RGS11: variants seen among roughly 807,000 people sequenced by gnomAD.
RGS11 encodes regulator of G protein signaling 11, also known as regulator of G-protein signaling 11.
Under a neutral mutation model 71.1 loss-of-function variants are expected in RGS11, and 86 were observed. The observed-to-expected ratio is 1.21, with a 90% CI of 1.02 to 1.45. RGS11 has a LOEUF of 1.45. RGS11 is among the 40% of genes most tolerant of loss of function. The pLI, the probability that RGS11 is intolerant of heterozygous loss-of-function variation, is 0.00. For synonymous variants in RGS11, 298 were observed against 254.2 expected, an observed-to-expected ratio of 1.17 and a Z score of -1.64; for missense variants, 734 against 635.1, an observed-to-expected ratio of 1.16 and a Z score of -1.67.
Position 270,990 on chromosome 16 carries a change from A to T in RGS11, c.973T>A (p.Phe325Ile), listed in dbSNP as rs1210959820. The change falls in exon 13 of 17, where the codon TTC becomes ATC. Residue 325 changes from phenylalanine (F) to isoleucine (I), a missense_variant. Phe to Ile is a conservative substitution (Grantham distance 21). Coordinates refer to ENST00000397770, the MANE Select transcript of RGS11 (RefSeq NM_183337.3). ...AHFMDFLGKEFSGENLSFWEA... is the reference protein window; with the variant it reads ...AHFMDFLGKEISGENLSFWEA... ...GGGGCTGGGGGGTTCTCACCACTGA[A>T]CTCCTTTCCCAGAAAGTCCATGAAG... is the stretch of plus-strand genomic sequence containing the variant. The T allele has an allele frequency of 6.2e-7, 1 of 1,610,636 alleles. No homozygotes were observed. Among genetic ancestry groups the T allele is most frequent in the Non-Finnish European group, 8.5e-7 (1 of 1,178,572 alleles).
At position 273,843 on chromosome 16, in the gene RGS11, G is replaced by A. The variant is rs1266089955; in HGVS notation, c.430-7C>T. On this transcript the variant is annotated splice_region_variant and splice_polypyrimidine_tract_variant and intron_variant, in intron 6 of 16. Coordinates refer to ENST00000397770, the MANE Select transcript of RGS11 (RefSeq NM_183337.3). ...GTAGCCGGTCATAGCAGTCCTGGGG[G>A]CAGCGAGGTTTCCAGTGGGTCACCC... is the stretch of plus-strand genomic sequence containing the variant. 8 of 1,613,178 alleles carry A rather than the reference G, an allele frequency of 5.0e-6. No individual in the cohort carries two copies. The highest frequency in any genetic ancestry group is 6.8e-6 in the Non-Finnish European group (8 of 1,179,802).
chr16:269,060 C>G lies in RGS11; in HGVS notation c.*209G>C, dbSNP rs1417408883. 1 of 1,045,334 alleles carries G rather than the reference C, an allele frequency of 9.6e-7. No individual in the cohort carries two copies. The highest frequency in any genetic ancestry group is 1.6e-5 in the African/African-American group (1 of 63,266). 64.8% of individuals were successfully genotyped at this position (1,045,334 alleles called of 1,614,324 possible). The stretch of plus-strand genomic sequence containing the variant: ...GCCAATGAACCCCCTCCCTGGGAAT[C>G]CACACCTGGACCCATTCCTTCTGGG... On this transcript the variant is annotated 3_prime_UTR_variant, in exon 17 of 17. Transcript: ENST00000397770.
rs971595670 is a variant in RGS11, at chr16:271,278, G to T, written c.787C>A (p.Pro263Thr). 1.2e-6 allele frequency: 2 copies of T among 1,612,998 alleles called. No homozygotes were observed. The highest frequency in any genetic ancestry group is 4.5e-5 in the East Asian group (2 of 44,882). Residue 263 changes from proline (P) to threonine (T), a missense_variant, in exon 12 of 17, where the codon CCC becomes ACC. Transcript: ENST00000397770. ...CTGGGCAGGCACCCCGACACGAGGG[G>T]ATCGTGGGGTCCACGCTGGCCGCAG... ...SFCGQRGPHDPLVSGCLPSNP... is the reference protein window; with the variant it reads ...SFCGQRGPHDTLVSGCLPSNP...
Position 274,183 on chromosome 16 carries a change from C to A in RGS11, c.370+31G>T, listed in dbSNP as rs759465321. ...ACCCTGAGGCCCCCAGTCCTGGGAA[C>A]TTGTCTGGGGCCAGCCGTCCCCTTG... On this transcript the variant is annotated intron_variant, in intron 5 of 16. Coordinates refer to ENST00000397770, the MANE Select transcript of RGS11 (RefSeq NM_183337.3). 25 of 1,601,372 alleles carry A rather than the reference C, an allele frequency of 1.6e-5. 1 individual carries two copies. The South Asian group carries it at 2.6e-4, about 17-fold the overall frequency.
rs1448236009 is a variant in RGS11 at position 269,182 on chromosome 16, C to T, written c.*87G>A. On this transcript the variant is annotated 3_prime_UTR_variant, in exon 17 of 17. Transcript: ENST00000397770. The stretch of plus-strand genomic sequence containing the variant: ...CACTGGTGCTGGGTTCAGCAGCCCC[C>T]AGGACCTGGGCCAAGACGGGGGTGG... 5 of 1,101,950 alleles carry T rather than the reference C, an allele frequency of 4.5e-6. No homozygotes were observed. Among genetic ancestry groups the T allele is most frequent in the Admixed American group, 4.0e-5 (2 of 50,338 alleles). The allele number at this position is 1,101,950 out of a possible 1,614,324, so 68.3% of individuals were successfully genotyped here.
chr16:269,404 G>A (rs753578704), intron 16 of RGS11, 21 bp from the exon 17 acceptor site: 19 of 1,594,284 alleles, frequency 1.2e-5, no homozygotes, highest in Non-Finnish European at 1.5e-5. Context: ...GAAGGCGGCT[G>A]AGAACAGGCT....
At chr16:272,525 C>T in intron 9 of RGS11, 1 of 1,391,030 alleles carries the variant, frequency 7.2e-7, no homozygotes, top group East Asian at 3.6e-5. Flanking sequence ...CTGCTGAGGT[C>T]TGTCAGAGGC....
chr16:270,741 T>TA lies in RGS11; in HGVS notation c.1067+2dup, dbSNP rs1567235454. The TA allele has an allele frequency of 1.2e-6, 2 of 1,612,268 alleles. No individual in the cohort carries two copies. The highest frequency in any genetic ancestry group is 1.7e-6 in the Non-Finnish European group (2 of 1,179,808). On this transcript the variant is annotated splice_region_variant and intron_variant, in intron 14 of 16. Coordinates refer to ENST00000397770, the MANE Select transcript of RGS11 (RefSeq NM_183337.3). ...CAACCGGTGCCCACCACGCAGCACTTACTCGTACACGGCATCCACCAGGGT... is the reference window on the plus strand; with the variant it reads ...CAACCGGTGCCCACCACGCAGCACTTAACTCGTACACGGCATCCACCAGGGT...
intron 9 of RGS11, chr16:272,182 C>T (rs745426489): frequency 2.6e-5 from 30 of 1,165,628 alleles, no homozygotes; most frequent in Non-Finnish European, 3.0e-5. Context: ...TTTTAAACAA[C>T]ACATACTTGA....
chr16:268,837 A>G lies in RGS11; in HGVS notation c.*432T>C, dbSNP rs187219600. 8.2e-4 allele frequency: 1,275 copies of G among 1,550,378 alleles called. 10 individuals carry two copies. The African/African-American group carries it at 0.016, about 19-fold the overall frequency. Reference sequence around the variant, plus strand: ...GGGCAGAGCTCGCGCCGAGACCTGCATGTCCGCGTCTTGTGACGGGTGTGT... The same window carrying G: ...GGGCAGAGCTCGCGCCGAGACCTGCGTGTCCGCGTCTTGTGACGGGTGTGT... On this transcript the variant is annotated 3_prime_UTR_variant, in exon 17 of 17. Transcript: ENST00000397770.
chr16:274,020 G>A, intron 6 of RGS11, 23 bp downstream of exon 6: 1 of 1,534,428 alleles, frequency 6.5e-7, no homozygotes, highest in Non-Finnish European at 8.8e-7. Context: ...CCCAGCCGGG[G>A]CGGGAAGGGT....
intron 12 of RGS11, 48 bp downstream of exon 12, chr16:271,154 C>A (rs544653832): frequency 6.2e-7 from 1 of 1,606,896 alleles, no homozygotes; most frequent in East Asian, 2.2e-5. Flanking sequence ...CCTGCGTCCC[C>A]CCAGGCTGGG....
rs775282126 is a variant in RGS11 at position 270,981 on chromosome 16, C to T, written c.979+3G>A. 6.2e-7 allele frequency: 1 copy of T among 1,608,774 alleles called. No homozygotes were observed. The highest frequency in any genetic ancestry group is 1.7e-5 in the Admixed American group (1 of 59,982). Reference sequence around the variant, plus strand: ...ACTGGAGCAGGGGCTGGGGGGTTCTCACCACTGAACTCCTTTCCCAGAAAG... The same window carrying T: ...ACTGGAGCAGGGGCTGGGGGGTTCTTACCACTGAACTCCTTTCCCAGAAAG... On this transcript the variant is annotated splice_donor_region_variant and intron_variant, in intron 13 of 16. Coordinates refer to ENST00000397770, the MANE Select transcript of RGS11 (RefSeq NM_183337.3).
In RGS11 at chr16:268,330, G is replaced by A. The variant is rs144964434; in HGVS notation, c.*939C>T. On this transcript the variant is annotated 3_prime_UTR_variant, in exon 17 of 17. Transcript: ENST00000397770. ...GATGGGCTCAGAGCCAGGGCCCAAGGGTCTTTTATTTGTGTGCTGGACGCT... is the reference window on the plus strand; with the variant it reads ...GATGGGCTCAGAGCCAGGGCCCAAGAGTCTTTTATTTGTGTGCTGGACGCT... 6 of 253,124 alleles carry A rather than the reference G, an allele frequency of 2.4e-5. No homozygotes were observed. The highest frequency in any genetic ancestry group is 4.7e-5 in the Non-Finnish European group (6 of 127,978). The allele number at this position is 253,124 out of a possible 1,614,324, so 15.7% of individuals were successfully genotyped here.
In RGS11 at chr16:273,553, T is replaced by C; in HGVS notation, c.510A>G (p.Ala170=). 6.4e-7 allele frequency: 1 copy of C among 1,559,948 alleles called. No homozygotes were observed. Among genetic ancestry groups the C allele is most frequent in the Non-Finnish European group, 8.7e-7 (1 of 1,152,232 alleles). ...TGTCCCCCTTGCTGCGCTGCTTGGC[T>C]GCCCTGGGAGGAGGAGGCCGAGTTG... ...VLMQAREQLR[A]AKQRSKGDRL... is the part of the protein sequence containing the mutation. Residue 170 remains alanine, a synonymous_variant, in exon 8 of 17, where the codon GCA becomes GCG. Coordinates refer to ENST00000397770, the MANE Select transcript of RGS11 (RefSeq NM_183337.3).
chr16:275,389 C>T lies in RGS11; in HGVS notation c.160+13G>A. ...CCGAGGCGCGCACGCACCCCCGCCCCGGCGCGCCTCACCTGTCACCGCGTG... is the reference window on the plus strand; with the variant it reads ...CCGAGGCGCGCACGCACCCCCGCCCTGGCGCGCCTCACCTGTCACCGCGTG... On this transcript the variant is annotated intron_variant, in intron 2 of 16. Transcript: ENST00000397770. 1.2e-6 allele frequency: 2 copies of T among 1,608,582 alleles called. No homozygotes were observed. Among genetic ancestry groups the T allele is most frequent in the Admixed American group, 1.7e-5 (1 of 59,926 alleles).
At chr16:274,478 A>C in intron 4 of RGS11, 1 of 613,042 alleles carries the variant, frequency 1.6e-6, no homozygotes, top group Non-Finnish European at 2.9e-6. Flanking sequence ...CCCTGTTCAG[A>C]CACTGCCTCC....
At chr16:272,776 G>A in intron 9 of RGS11, 87 bp downstream of exon 9, 1 of 1,531,204 alleles carries the variant, frequency 6.5e-7, no homozygotes, top group Non-Finnish European at 8.7e-7. Flanking sequence ...CCAAATGACG[G>A]ACAGATGGGC....
Position 271,281 on chromosome 16 carries a change from C to T in RGS11, c.784G>A (p.Asp262Asn), listed in dbSNP as rs1377748328. 6.8e-6 allele frequency: 11 copies of T among 1,612,958 alleles called. No individual in the cohort carries two copies. Among genetic ancestry groups the T allele is most frequent in the African/African-American group, 2.7e-5 (2 of 75,054 alleles). Residue 262 changes from aspartate (D) to asparagine (N), a missense_variant, in exon 12 of 17, where the codon GAT becomes AAT. By Grantham distance (23) the Asp-to-Asn change is conservative (BLOSUM62 1). Coordinates refer to ENST00000397770, the MANE Select transcript of RGS11 (RefSeq NM_183337.3). ...GGCAGGCACCCCGACACGAGGGGATCGTGGGGTCCACGCTGGCCGCAGAAA... is the reference window on the plus strand; with the variant it reads ...GGCAGGCACCCCGACACGAGGGGATTGTGGGGTCCACGCTGGCCGCAGAAA... ...LSFCGQRGPH[D>N]PLVSGCLPSN...
Sources: gnomAD v4.1 joint callset for allele counts on GRCh38, gnomAD v4.1.1 for gene constraint, MANE v1.5 for transcripts, NCBI Gene and HGNC (gene_info 2026-07-23, HGNC 2026-07-21) for gene names.